The following MORN1 variants were observed in gnomAD, a reference collection of about 807,000 sequenced individuals.
MORN1 encodes the protein MORN repeat containing 1.
Under a neutral mutation model 61.9 loss-of-function variants are expected in MORN1, and 67 were observed. The ratio of observed to expected loss-of-function variants is 1.08; its 90% CI spans 0.89 to 1.33. The LOEUF (loss-of-function observed/expected upper bound fraction) is 1.33. MORN1 is among the 40% of genes most tolerant of loss of function. The probability of loss-of-function intolerance (pLI) is 0.00; values close to 1 mark genes in which losing one functional copy is unlikely to be tolerated. For synonymous variants in MORN1, 301 were observed against 292.0 expected (o/e 1.03, Z -0.31); for missense variants, 752 against 691.2 (o/e 1.09, Z -0.99).
chr1:2,356,455 C>T lies in MORN1; in HGVS notation c.1036+977G>A, dbSNP rs943278456. 5.3e-5 allele frequency among the ~76,000 whole-genome samples: 8 copies of T among 152,290 alleles called. No homozygotes were observed. In the East Asian group the frequency reaches 7.7e-4, roughly 15 times the overall value. On this transcript the variant is annotated intron_variant, in intron 10 of 13. Coordinates refer to ENST00000378531, the MANE Select transcript of MORN1 (RefSeq NM_024848.3). The stretch of plus-strand genomic sequence containing the variant: ...CTGTGCTCCTCAACCCAGGAACCTG[C>T]GGCCTGTGTCCTCCCCAAGCAGCAC...
chr1:2,389,802 C>A, intron 2 of MORN1, 123 bp downstream of exon 2: 1 of 843,528 alleles, frequency 1.2e-6, no homozygotes, highest in Non-Finnish European at 2.0e-6. Context: ...CAGGGAAGCA[C>A]CAGGGTACAA....
chr1:2,347,192 A>G (rs1409768199), intron 10 of MORN1, among the ~76,000 whole-genome samples: 1 of 152,174 alleles, frequency 6.6e-6, no homozygotes, highest in Non-Finnish European at 1.5e-5. Context: ...GTGGTTTCCC[A>G]CTTAGAGTGG....
At chr1:2,379,423 G>A (rs1642321965) in intron 6 of MORN1, among the ~76,000 whole-genome samples, 1 of 152,232 alleles carries the variant, frequency 6.6e-6, no homozygotes, top group Admixed American at 6.5e-5. Flanking sequence ...TGTCCAAGAA[G>A]GTCCCAGCGC....
At chr1:2,323,925 C>G in intron 13 of MORN1, 172 bp downstream of exon 13, 1 of 983,002 alleles carries the variant, frequency 1.0e-6, no homozygotes, top group Non-Finnish European at 1.2e-6. Context: ...CAGCCCCCTT[C>G]CCATTCAGGT....
At chr1:2,356,162 T>C (rs1398634851) in intron 10 of MORN1, among the ~76,000 whole-genome samples, 1 of 152,092 alleles carries the variant, frequency 6.6e-6, no homozygotes, top group Non-Finnish European at 1.5e-5. Flanking sequence ...GACGGCCGCC[T>C]GGTGGTGCCA....
chr1:2,373,184 A>G (rs897048526), intron 7 of MORN1, among the ~76,000 whole-genome samples: 1 of 151,674 alleles, frequency 6.6e-6, no homozygotes, highest in Non-Finnish European at 1.5e-5. Flanking sequence ...GGCCTCCAGC[A>G]AAGCACAATG....
intron 5 of MORN1, 130 bp from the exon 6 acceptor site, chr1:2,385,195 G>A (rs1642465523): frequency 6.6e-6 from 6 of 903,424 alleles, no homozygotes; most frequent in South Asian, 3.3e-5. Context: ...CGAGCAGATG[G>A]CCCCAAGAGC....
chr1:2,350,596 C>T (rs1390905418), intron 10 of MORN1: 1 of 152,218 alleles, frequency 6.6e-6, no homozygotes, highest in Non-Finnish European at 1.5e-5. Context: ...GGCTGAATTT[C>T]CAGCCTCTTC....
intron 10 of MORN1, among the ~76,000 whole-genome samples, chr1:2,343,807 G>A (rs891840123): frequency 1.3e-5 from 2 of 152,186 alleles, no homozygotes; most frequent in African/African-American, 4.8e-5. Context: ...CATGGCACCC[G>A]CCTCTGGCTT....
intron 10 of MORN1, among the ~76,000 whole-genome samples, chr1:2,348,821 ACACG>A (rs1302709474): frequency 1.3e-5 from 2 of 149,950 alleles, no homozygotes; most frequent in African/African-American, 4.9e-5. Context: ...GCACGCACAC[ACACG>A]CACGCACACG....
intron 13 of MORN1, chr1:2,323,715 G>A: frequency 1.0e-6 from 1 of 985,308 alleles, no homozygotes; most frequent in African/African-American, 1.7e-5. Context: ...CCTGCAGCCG[G>A]CCTTGCTGGG....
In MORN1 at chr1:2,343,036, C is replaced by T. The variant is rs946394308; in HGVS notation, c.1037-6186G>A. On this transcript the variant is annotated intron_variant, in intron 10 of 13. Coordinates refer to ENST00000378531, the MANE Select transcript of MORN1 (RefSeq NM_024848.3). The stretch of plus-strand genomic sequence containing the variant: ...TCACGGGCGTGGCCCCGCGCCAGCT[C>T]CCCTGCCTTTCCTGAGGCATAGAAA... 5.3e-5 allele frequency among the ~76,000 whole-genome samples: 8 copies of T among 152,126 alleles called. 1 individual carries two copies. The highest frequency in any genetic ancestry group is 1.9e-4 in the African/African-American group (8 of 41,522).
rs1223042491 is a variant in MORN1 at position 2,372,300 on chromosome 1, G to A, written c.745+181C>T. 5 of 584,780 alleles carry A rather than the reference G, an allele frequency of 8.6e-6. No homozygotes were observed. Among genetic ancestry groups the A allele is most frequent in the Non-Finnish European group, 1.5e-5 (5 of 325,770 alleles). 36.2% of individuals were successfully genotyped at this position (584,780 alleles called of 1,614,324 possible). A position where few individuals can be genotyped will look rare whatever the true frequency, so the allele number is the denominator to read the frequency against. On this transcript the variant is annotated intron_variant, in intron 8 of 13. Transcript: ENST00000378531. The surrounding 1 kb of genome is among the most constrained non-coding windows in gnomAD (Gnocchi z 5.4). ...ACACATGCTTGCACACACACCCAAG[G>A]CTGCCCTGACTGGCAGGGAAGCTGG...
At position 2,386,116 on chromosome 1, in the gene MORN1, C is replaced by T; in HGVS notation, c.359-219G>A. On this transcript the variant is annotated intron_variant, in intron 4 of 13. Coordinates refer to ENST00000378531, the MANE Select transcript of MORN1 (RefSeq NM_024848.3). ...GCTCTGAACGGGAAGGGCAGATGTG[C>T]TTTGGGACAGGTCGGTGAGCTGACA... is the stretch of plus-strand genomic sequence containing the variant. The T allele has an allele frequency of 7.1e-6, 4 of 565,540 alleles. No individual in the cohort carries two copies. In the South Asian group the frequency reaches 8.1e-5, roughly 11 times the overall value. The allele number at this position is 565,540 out of a possible 1,614,324, so 35.0% of individuals were successfully genotyped here.
chr1:2,379,992 A>T (rs1268505194), intron 6 of MORN1, among the ~76,000 whole-genome samples: 1 of 152,208 alleles, frequency 6.6e-6, no homozygotes, highest in African/African-American at 2.4e-5. Flanking sequence ...GTCCACCCAC[A>T]GATGGGCAGA....
At chr1:2,328,577 G>C (rs889747681) in intron 12 of MORN1, among the ~76,000 whole-genome samples, 1 of 152,220 alleles carries the variant, frequency 6.6e-6, no homozygotes, top group African/African-American at 2.4e-5. Context: ...TGCCTGCTGT[G>C]CAGGAGGCAC....
intron 10 of MORN1, among the ~76,000 whole-genome samples, chr1:2,345,197 C>T (rs1641487434): frequency 1.3e-5 from 2 of 152,260 alleles, no homozygotes; most frequent in South Asian, 2.1e-4. Context: ...CATGTGCCCG[C>T]ACCCTCGCAC....
chr1:2,325,423 C>T (rs113101878), intron 12 of MORN1, among the ~76,000 whole-genome samples: 73 of 151,248 alleles, frequency 4.8e-4, no homozygotes, highest in African/African-American at 1.4e-3. Flanking sequence ...GCAATCCCCT[C>T]GCCTTAGCCT....
Position 2,321,441 on chromosome 1 carries a change from G to A in MORN1, c.1436C>T (p.Ala479Val), listed in dbSNP as rs1258077796. 1 of 1,541,472 alleles carries A rather than the reference G, an allele frequency of 6.5e-7. No homozygotes were observed. Among genetic ancestry groups the A allele is most frequent in the Admixed American group, 2.0e-5 (1 of 49,444 alleles). Residue 479 changes from alanine (A) to valine (V), a missense_variant, in exon 14 of 14, where the codon GCC becomes GTC. Physicochemically the swap from Ala to Val is moderately conservative, Grantham distance 64. Coordinates refer to ENST00000378531, the MANE Select transcript of MORN1 (RefSeq NM_024848.3). Reference protein sequence around the residue: ...PPHVLEEGPEASSSWQAAHSC... With the variant: ...PPHVLEEGPEVSSSWQAAHSC... The stretch of plus-strand genomic sequence containing the variant: ...GTGGGCGGCCTGCCAGCTGCTTGAG[G>A]CTTCAGGGCCTTCTTCCAGGACATG...
Sources: allele counts gnomAD v4.1 joint callset (sites outside exome capture counted in the v4.1 genomes callset), GRCh38; gene constraint gnomAD v4.1.1; non-coding constraint Gnocchi (gnomAD v3.1); transcripts MANE v1.5; gene names NCBI Gene and HGNC (gene_info 2026-07-23, HGNC 2026-07-21).